Variants in CHN2 observed in about 807,000 individuals in gnomAD.
CHN2 encodes the protein chimerin 2.
CHN2 carries 35 observed loss-of-function variants against 56.3 expected under a neutral mutation model. The observed-to-expected ratio is 0.62, with a 90% CI of 0.47 to 0.82. The LOEUF (loss-of-function observed/expected upper bound fraction) is 0.82, where lower values mean the gene tolerates loss of function less well. Ranked by LOEUF, CHN2 falls within the 40% of genes least tolerant of loss-of-function variation. The pLI, the probability that CHN2 is intolerant of heterozygous loss-of-function variation, is 0.00. For synonymous variants in CHN2, 210 were observed against 212.8 expected (o/e 0.99, Z 0.12); for missense variants, 491 against 580.5 (o/e 0.85, Z 1.58).
intron 1 of CHN2, among the ~76,000 whole-genome samples, chr7:29,256,418 G>A (rs1205929108): frequency 1.3e-5 from 2 of 152,182 alleles, no homozygotes; most frequent in Non-Finnish European, 2.9e-5. Context: ...GTGAACATTC[G>A]AAAGAAGAGC....
At chr7:29,233,864 C>A (rs376231845) in intron 1 of CHN2, among the ~76,000 whole-genome samples, 1 of 66,408 alleles carries the variant, frequency 1.5e-5, no homozygotes, top group Non-Finnish European at 2.8e-5. Flanking sequence ...GATGGAGTCT[C>A]GCTCTGTCGC....
chr7:29,180,296 C>T (rs779585841), intron 2 of CHN2, among the ~76,000 whole-genome samples: 12 of 152,106 alleles, frequency 7.9e-5, no homozygotes, highest in Admixed American at 2.6e-4. Flanking sequence ...GAAGCTGAGG[C>T]GGGCAGATCA....
intron 7 of CHN2, among the ~76,000 whole-genome samples, chr7:29,491,202 CATGTT>C (rs1554302691): frequency 1.3e-5 from 2 of 151,918 alleles, no homozygotes; most frequent in Admixed American, 6.6e-5. Context: ...ACATTTCTCT[CATGTT>C]ATGTTTTAGT....
rs766231762 is a variant in CHN2 at position 29,513,544 on chromosome 7, C to G, written c.*809C>G. On this transcript the variant is annotated 3_prime_UTR_variant, in exon 13 of 13. Coordinates refer to ENST00000222792, the MANE Select transcript of CHN2 (RefSeq NM_004067.4). ...TCATGAGTGTGTATCCCAGAAGATA[C>G]AGAATGCGGTCATTTTACCTGAAAT... 6.6e-6 allele frequency: 1 copy of G among 152,198 alleles called. No homozygotes were observed. The highest frequency in any genetic ancestry group is 1.5e-5 in the Non-Finnish European group (1 of 68,050). The allele number at this position is 152,198 out of a possible 1,614,324, so 9.4% of individuals were successfully genotyped here.
At chr7:29,318,226 A>G (rs530711751) in intron 1 of CHN2, among the ~76,000 whole-genome samples, 16 of 152,308 alleles carry the variant, frequency 1.1e-4, no homozygotes, top group Middle Eastern at 3.4e-3. Flanking sequence ...TCAGTAAACT[A>G]TGGCTGCACA....
At chr7:29,317,877 C>G (rs373017143) in intron 1 of CHN2, among the ~76,000 whole-genome samples, 3 of 152,036 alleles carry the variant, frequency 2.0e-5, no homozygotes, top group Non-Finnish European at 4.4e-5. Flanking sequence ...CATGTTACGC[C>G]GGAGGCTGAG....
At position 29,494,540 on chromosome 7, in the gene CHN2, C is replaced by G. The variant is rs1420001785; in HGVS notation, c.655-1412C>G. Among the ~76,000 whole-genome samples the G allele has an allele frequency of 2.0e-5, 3 of 152,072 alleles. No homozygotes were observed. In the East Asian group the frequency reaches 5.8e-4, roughly 29 times the overall value. ...TGTAAGTCCTTCTGGGATGAATTCT[C>G]TGCATTCCTGTTAAAAAATGCTTTG... is the stretch of plus-strand genomic sequence containing the variant. On this transcript the variant is annotated intron_variant, in intron 7 of 12. Transcript: ENST00000222792.
chr7:29,263,639 C>T (rs1273061539), intron 1 of CHN2, among the ~76,000 whole-genome samples: 14 of 150,292 alleles, frequency 9.3e-5, no homozygotes, highest in East Asian at 2.0e-4. Flanking sequence ...TCTGCCCGGC[C>T]GCCCAGTATG....
chr7:29,453,555 A>G (rs1199030249), intron 6 of CHN2, among the ~76,000 whole-genome samples: 1 of 152,168 alleles, frequency 6.6e-6, no homozygotes, highest in African/African-American at 2.4e-5. Context: ...CCCCCACGCC[A>G]TAGCATTTCA....
chr7:29,148,779 G>T (rs1169299013), intron 2 of CHN2: 1 of 152,180 alleles, frequency 6.6e-6, no homozygotes, highest in African/African-American at 2.4e-5. Flanking sequence ...TTTAGTTGTG[G>T]GGAAGGGATG....
intron 6 of CHN2, among the ~76,000 whole-genome samples, chr7:29,458,377 GCACACACA>G (rs58364010): frequency 0.019 from 2,558 of 135,988 alleles, 36 homozygotes; most frequent in Middle Eastern, 0.04. Context: ...GCATAGCTGT[GCACACACA>G]CACACACACA....
chr7:29,213,773 T>G (rs546174947), intron 1 of CHN2, among the ~76,000 whole-genome samples: 1 of 152,314 alleles, frequency 6.6e-6, no homozygotes, highest in South Asian at 2.1e-4. Flanking sequence ...CATGATGACA[T>G]TAGTACTCCT....
chr7:29,321,634 A>G (rs1375611756), intron 1 of CHN2, among the ~76,000 whole-genome samples: 3 of 148,388 alleles, frequency 2.0e-5, no homozygotes, highest in Non-Finnish European at 4.4e-5. Flanking sequence ...GCAATGGCAC[A>G]ATCTCGGCTC....
chr7:29,495,729 T>A (rs975739681), intron 7 of CHN2, among the ~76,000 whole-genome samples: 2 of 152,222 alleles, frequency 1.3e-5, no homozygotes, highest in African/African-American at 4.8e-5. Context: ...AATCTGTTTC[T>A]CCACGTTCCT....
chr7:29,393,735 TTAA>T, intron 4 of CHN2, 25 bp downstream of exon 4: 1 of 739,812 alleles, frequency 1.4e-6, no homozygotes, highest in South Asian at 1.8e-5. Context: ...ATTCTTTGTT[TTAA>T]TAATTTAATA....
intron 3 of CHN2, among the ~76,000 whole-genome samples, chr7:29,379,326 C>T (rs893583751): frequency 2.0e-5 from 3 of 152,158 alleles, no homozygotes; most frequent in Non-Finnish European, 4.4e-5. Context: ...TAAAGGGGTG[C>T]GTGGGATCTG....
At chr7:29,372,492 G>A (rs1311676682) in intron 3 of CHN2, among the ~76,000 whole-genome samples, 1 of 152,010 alleles carries the variant, frequency 6.6e-6, no homozygotes, top group African/African-American at 2.4e-5. Context: ...TGCCTCTCCA[G>A]GAGAATACAA....
intron 6 of CHN2, chr7:29,479,775 C>T: frequency 8.4e-7 from 1 of 1,193,924 alleles, no homozygotes. Flanking sequence ...TGTGCTGCGG[C>T]AGGAGAAAGC....
intron 2 of CHN2, among the ~76,000 whole-genome samples, chr7:29,179,252 G>A (rs1797764766): frequency 6.6e-6 from 1 of 152,200 alleles, no homozygotes; most frequent in Admixed American, 6.5e-5. Flanking sequence ...CTGCATGAGA[G>A]TGGGCATGGG....
Sources: allele counts gnomAD v4.1 joint callset (sites outside exome capture counted in the v4.1 genomes callset), GRCh38; gene constraint gnomAD v4.1.1; transcripts MANE v1.5; gene names NCBI Gene and HGNC (gene_info 2026-07-23, HGNC 2026-07-21).